Variants in FOXP4 observed in about 807,000 individuals in gnomAD.
FOXP4 encodes forkhead box protein P4.
In FOXP4, 25 loss-of-function variants were observed where a neutral mutation model predicts 82.6. The observed-to-expected ratio is 0.30, with a 90% CI of 0.22 to 0.42. The LOEUF is 0.42. Among genes scored for constraint, FOXP4 ranks in the 10% least tolerant of loss-of-function variants. FOXP4 has a pLI of 1.00. For synonymous variants in FOXP4, 415 were observed against 388.2 expected (o/e 1.07, Z -0.81); for missense variants, 785 against 900.9 (o/e 0.87, Z 1.65).
chr6:41,572,377 G>A (rs780655278), intron 2 of FOXP4, among the ~76,000 whole-genome samples: 4 of 152,134 alleles, frequency 2.6e-5, no homozygotes, highest in Non-Finnish European at 5.9e-5. Context: ...TTTGTGTAGT[G>A]TCTGTCTCGG....
At chr6:41,595,768 A>G (rs1221288239) in intron 14 of FOXP4, among the ~76,000 whole-genome samples, 1 of 152,018 alleles carries the variant, frequency 6.6e-6, no homozygotes, top group East Asian at 1.9e-4. Flanking sequence ...ACGCCCGGCT[A>G]ATTTTTTTTG....
chr6:41,589,878 C>A (rs752197410), intron 10 of FOXP4, 24 bp downstream of exon 10: 5 of 1,611,112 alleles, frequency 3.1e-6, no homozygotes, highest in Non-Finnish European at 4.2e-6. Context: ...CCCTCCCCGC[C>A]CCTCCCAGAG....
intron 16 of FOXP4, 88 bp from the exon 17 acceptor site, chr6:41,598,701 C>A: frequency 6.5e-7 from 1 of 1,536,092 alleles, no homozygotes. Context: ...CCCCACTGTG[C>A]CCCAGAGTTC....
intron 1 of FOXP4, among the ~76,000 whole-genome samples, chr6:41,553,128 GT>G (rs1180430861): frequency 6.6e-6 from 1 of 152,164 alleles, no homozygotes; most frequent in Non-Finnish European, 1.5e-5. Flanking sequence ...AAGGGGTGCT[GT>G]GGAGCTCGGG....
intron 2 of FOXP4, among the ~76,000 whole-genome samples, chr6:41,568,363 G>T (rs892679875): frequency 1.3e-5 from 2 of 152,184 alleles, no homozygotes; most frequent in Non-Finnish European, 2.9e-5. Context: ...GCACTGAGTT[G>T]TCAAGATGGC....
chr6:41,589,998 G>C lies in FOXP4; in HGVS notation c.1185G>C (p.Lys395Asn). The C allele has an allele frequency of 3.1e-6, 5 of 1,613,962 alleles. No individual in the cohort carries two copies. Among genetic ancestry groups the C allele is most frequent in the Non-Finnish European group, 4.2e-6 (5 of 1,179,994 alleles). ...TCCCCGGCTCCTCCTCATTCTCCAAGGTGACCGTCTCTGCAGCAGACTCAT... is the reference window on the plus strand; with the variant it reads ...TCCCCGGCTCCTCCTCATTCTCCAACGTGACCGTCTCTGCAGCAGACTCAT... ...NPVPGSSSFS[K>N]VTVSAADSFP... Residue 395 changes from lysine to asparagine, a missense_variant, in exon 11 of 17, where the codon AAG becomes AAC. Around this residue, in one of 3 missense-constraint regions of FOXP4, gnomAD observed 570 missense variants for 634.0 expected, o/e 0.90. Transcript: ENST00000307972.
rs549175271 is a variant in FOXP4, at chr6:41,593,414, C to T, written c.1537-1456C>T. On this transcript the variant is annotated intron_variant, in intron 13 of 16. Transcript: ENST00000307972. The surrounding 1 kb of genome is among the most constrained non-coding windows in gnomAD (Gnocchi z 4.1). The stretch of plus-strand genomic sequence containing the variant: ...CCTTGCTGGCCCTCCCCGTGTCCAT[C>T]CCCTCCCAAGGCCCGTGTTGTGGGC... Among the ~76,000 whole-genome samples, 4 of 152,294 alleles carry T rather than the reference C, an allele frequency of 2.6e-5. No homozygotes were observed. The South Asian group carries it at 6.2e-4, about 24-fold the overall frequency.
At chr6:41,598,486 G>A (rs1767008574) in intron 16 of FOXP4, among the ~76,000 whole-genome samples, 1 of 152,122 alleles carries the variant, frequency 6.6e-6, no homozygotes, top group Non-Finnish European at 1.5e-5. Context: ...CCAAAATGCT[G>A]GGATTACATG....
intron 1 of FOXP4, chr6:41,548,307 C>T (rs2127296675): frequency 6.6e-6 from 1 of 152,348 alleles, no homozygotes; most frequent in Non-Finnish European, 1.5e-5. Context: ...GAACCAAACC[C>T]GAGCCTGAAG....
At chr6:41,562,926 G>T (rs909337172) in intron 1 of FOXP4, among the ~76,000 whole-genome samples, 1 of 152,212 alleles carries the variant, frequency 6.6e-6, no homozygotes, top group Admixed American at 6.5e-5. Flanking sequence ...GTGGCAAGTG[G>T]AGGATGGTGC....
Position 41,583,565 on chromosome 6 carries a change from CAG to C in FOXP4, c.301-1203_301-1202del, listed in dbSNP as rs752090875. On this transcript the variant is annotated intron_variant, in intron 3 of 16. Coordinates refer to ENST00000307972, the MANE Select transcript of FOXP4 (RefSeq NM_001012426.2). Reference sequence around the variant, plus strand: ...AGGTGCCAGGGAAGGCATTTCAGCTCAGGGGGGCTAACACTTAGTGTACCTAC... The same window carrying C: ...AGGTGCCAGGGAAGGCATTTCAGCTCGGGGGCTAACACTTAGTGTACCTAC... Among the ~76,000 whole-genome samples the C allele has an allele frequency of 1.6e-3, 238 of 152,350 alleles. 1 individual carries two copies. Among genetic ancestry groups the C allele is most frequent in the Non-Finnish European group, 2.6e-3 (174 of 68,030 alleles).
At chr6:41,583,904 T>C (rs1765946012) in intron 3 of FOXP4, among the ~76,000 whole-genome samples, 2 of 152,212 alleles carry the variant, frequency 1.3e-5, no homozygotes. Context: ...AAAGCTGTTC[T>C]ACTTTGAGAA....
intron 16 of FOXP4, 54 bp from the exon 17 acceptor site, chr6:41,598,735 G>A: frequency 6.5e-7 from 1 of 1,548,084 alleles, no homozygotes; most frequent in South Asian, 1.2e-5. Flanking sequence ...GGGGCAGGGG[G>A]CAGAGGGCAT....
chr6:41,566,298 A>G (rs1161146475), intron 2 of FOXP4, among the ~76,000 whole-genome samples: 1 of 152,100 alleles, frequency 6.6e-6, no homozygotes, highest in Admixed American at 6.5e-5. Flanking sequence ...TGGGCACTCC[A>G]CTCTTCACCT....
rs755354972 is a variant in FOXP4 at position 41,590,067 on chromosome 6, T to C, written c.1254T>C (p.Pro418=). Reference sequence around the variant, plus strand: ...ACCCCCCGACCTCGGCCGCAGCCCCTGTCACCCCTCTACGGCCCCCTGGCC... The same window carrying C: ...ACCCCCCGACCTCGGCCGCAGCCCCCGTCACCCCTCTACGGCCCCCTGGCC... ...LVHPPTSAAA[P]VTPLRPPGLG... The change falls in exon 11 of 17, where the codon CCT becomes CCC. Residue 418 remains proline (P), a synonymous_variant. Coordinates refer to ENST00000307972, the MANE Select transcript of FOXP4 (RefSeq NM_001012426.2). 1.9e-6 allele frequency: 3 copies of C among 1,613,764 alleles called. No individual in the cohort carries two copies. Among genetic ancestry groups the C allele is most frequent in the African/African-American group, 2.7e-5 (2 of 74,914 alleles).
rs377120988 is a variant in FOXP4, at chr6:41,580,152, C to G, written c.300+2071C>G. On this transcript the variant is annotated intron_variant, in intron 3 of 16. Transcript: ENST00000307972. ...TGCCTCCCGGGTTCAAGCAGTTTTC[C>G]TGCCTCAGTCTCCCAAGTAGCTGGG... 6.9e-4 allele frequency among the ~76,000 whole-genome samples: 104 copies of G among 151,420 alleles called. 1 individual carries two copies. The South Asian group carries it at 0.02, about 29-fold the overall frequency.
chr6:41,593,918 G>C lies in FOXP4; in HGVS notation c.1537-952G>C, dbSNP rs1295140984. On this transcript the variant is annotated intron_variant, in intron 13 of 16. Transcript: ENST00000307972. This position sits in a 1 kb window ranked among gnomAD's most constrained non-coding sequence, Gnocchi z 4.1. ...AGGAGACAAGGATGGGGACGAGGCG[G>C]GGGAGGCTAAGGGAGGACAGGTAAC... is the stretch of plus-strand genomic sequence containing the variant. 6.6e-6 allele frequency among the ~76,000 whole-genome samples: 1 copy of C among 152,204 alleles called. No individual in the cohort carries two copies. The highest frequency in any genetic ancestry group is 1.9e-4 in the East Asian group (1 of 5,186).
At chr6:41,584,725 G>A (rs780310043) in intron 3 of FOXP4, 44 bp from the exon 4 acceptor site, 6 of 1,530,972 alleles carry the variant, frequency 3.9e-6, no homozygotes, top group African/African-American at 1.4e-5. Context: ...GCCTCCTCCT[G>A]GGTTGGGGTC....
intron 8 of FOXP4, among the ~76,000 whole-genome samples, 154 bp from the exon 9 acceptor site, chr6:41,588,490 C>T (rs1019141306): frequency 6.6e-6 from 1 of 152,246 alleles, no homozygotes. Flanking sequence ...AGAAGCCTTC[C>T]TCCATTGCCC....
Sources: gnomAD v4.1 joint callset for allele counts (sites outside exome capture counted in the v4.1 genomes callset) on GRCh38, gnomAD v4.1.1 for gene constraint, gnomAD v4.1.1 regional missense constraint, Gnocchi (gnomAD v3.1) non-coding constraint, MANE v1.5 for transcripts, NCBI Gene and HGNC (gene_info 2026-07-23, HGNC 2026-07-21) for gene names.